ASIC2: variants seen among roughly 807,000 people sequenced by gnomAD.
ASIC2 encodes the protein acid-sensing ion channel 2.
ASIC2 carries 25 observed loss-of-function variants against 57.3 expected under a neutral mutation model. The ratio of observed to expected loss-of-function variants is 0.44; its 90% CI spans 0.32 to 0.61. ASIC2 has a LOEUF of 0.61. Ranked by LOEUF, ASIC2 falls within the 20% of genes least tolerant of loss-of-function variation. ASIC2 has a pLI of 0.06. For missense variants in ASIC2, 641 were observed against 738.1 expected (o/e 0.87, Z 1.52); for synonymous variants, 319 against 307.5 (o/e 1.04, Z -0.39).
chr17:33,520,301 G>A (rs936355541), intron 1 of ASIC2, among the ~76,000 whole-genome samples: 1 of 152,214 alleles, frequency 6.6e-6, no homozygotes, highest in African/African-American at 2.4e-5. Context: ...GGGTCAGTGG[G>A]GAAGCATGAA....
In ASIC2 at chr17:33,291,994, C is replaced by T; in HGVS notation, c.122G>A (p.Gly41Asp). Residue 41 changes from glycine (G) to aspartate (D), a missense_variant, in exon 1 of 10, where the codon GGC becomes GAC. This residue lies in a region of ASIC2 where 382 missense variants were observed against 398.0 expected (regional missense o/e 0.96). Transcript: ENST00000225823. ...ALAAAGQPGG[G>D]RGGERALQGP... is the part of the protein sequence containing the mutation. The stretch of plus-strand genomic sequence containing the variant: ...CTGCAGCGCCCGCTCGCCGCCTCTG[C>T]CGCCCCCGGGCTGCCCGGCAGCCGC... 3.1e-6 allele frequency: 4 copies of T among 1,275,038 alleles called. No homozygotes were observed. Among genetic ancestry groups the T allele is most frequent in the Non-Finnish European group, 3.9e-6 (4 of 1,019,874 alleles). The allele number at this position is 1,275,038 out of a possible 1,614,324, so 79.0% of individuals were successfully genotyped here.
intron 1 of ASIC2, among the ~76,000 whole-genome samples, chr17:34,102,662 T>A (rs1444303942): frequency 6.6e-6 from 1 of 152,234 alleles, no homozygotes; most frequent in Non-Finnish European, 1.5e-5. Context: ...GATGCTTACT[T>A]TCTACTGCTA....
At chr17:33,259,892 C>G (rs1909217041) in intron 1 of ASIC2, among the ~76,000 whole-genome samples, 2 of 152,110 alleles carry the variant, frequency 1.3e-5, no homozygotes, top group African/African-American at 4.8e-5. Context: ...TAATGAGTTC[C>G]CAGGGGATGC....
chr17:33,545,465 C>T (rs371788757), intron 1 of ASIC2, among the ~76,000 whole-genome samples: 1 of 152,076 alleles, frequency 6.6e-6, no homozygotes, highest in Non-Finnish European at 1.5e-5. Context: ...ATATTTTACC[C>T]GAGACGCGGA....
chr17:33,331,343 A>T (rs751718968), intron 1 of ASIC2, among the ~76,000 whole-genome samples: 1 of 152,172 alleles, frequency 6.6e-6, no homozygotes. Context: ...TTGTCCACAT[A>T]AAGAAACTAA....
intron 1 of ASIC2, among the ~76,000 whole-genome samples, chr17:34,095,670 TAGAGAG>T (rs796583537): frequency 1.1e-5 from 1 of 92,792 alleles, no homozygotes; most frequent in East Asian, 2.5e-4. Context: ...TATATATATA[TAGAGAG>T]AGAGATATAT....
At chr17:33,158,024 T>C (rs141619201) in intron 1 of ASIC2, among the ~76,000 whole-genome samples, 1 of 152,280 alleles carries the variant, frequency 6.6e-6, no homozygotes, top group Non-Finnish European at 1.5e-5. Context: ...TGCTCTCCCA[T>C]CCTCGTGGTT....
At chr17:33,762,594 T>C (rs904868500) in intron 1 of ASIC2, among the ~76,000 whole-genome samples, 12 of 152,274 alleles carry the variant, frequency 7.9e-5, no homozygotes, top group Non-Finnish European at 1.6e-4. Context: ...ATAACCATTT[T>C]CAGAAAGGCC....
intron 1 of ASIC2, among the ~76,000 whole-genome samples, chr17:33,230,741 G>C (rs1446395003): frequency 6.6e-6 from 1 of 152,120 alleles, no homozygotes; most frequent in Non-Finnish European, 1.5e-5. Context: ...ACTTTCTCCA[G>C]GAAGAACGAA....
intron 1 of ASIC2, among the ~76,000 whole-genome samples, chr17:33,998,691 G>A (rs1294521899): frequency 6.6e-6 from 1 of 151,902 alleles, no homozygotes. Flanking sequence ...TTTTCCTGCT[G>A]GTTTTGATTT....
intron 3 of ASIC2, among the ~76,000 whole-genome samples, chr17:33,041,424 TC>T (rs1455635524): frequency 3.3e-5 from 5 of 152,142 alleles, no homozygotes; most frequent in African/African-American, 9.7e-5. Flanking sequence ...TCTCAGAACA[TC>T]CCCACATCTC....
intron 1 of ASIC2, among the ~76,000 whole-genome samples, chr17:33,404,760 G>C (rs146473424): frequency 6.6e-6 from 1 of 152,316 alleles, no homozygotes; most frequent in African/African-American, 2.4e-5. Flanking sequence ...TTTTGCCACT[G>C]TCACTATATT....
chr17:33,333,420 G>C (rs570990885), intron 1 of ASIC2, among the ~76,000 whole-genome samples: 19 of 152,278 alleles, frequency 1.2e-4, no homozygotes, highest in African/African-American at 4.3e-4. Context: ...TAACATCAGA[G>C]AGTTATCATA....
rs1028346072 is a variant in ASIC2 at position 33,778,756 on chromosome 17, C to T, written c.555+377222G>A. On this transcript the variant is annotated intron_variant, in intron 1 of 9. Transcript: ENST00000359872. ...GATAAGATGGGAAAGAGTAACTAAACGCACAGGGTATTGATGCACGTTAAG... is the reference window on the plus strand; with the variant it reads ...GATAAGATGGGAAAGAGTAACTAAATGCACAGGGTATTGATGCACGTTAAG... Among the ~76,000 whole-genome samples the T allele has an allele frequency of 3.3e-5, 5 of 152,276 alleles. No individual in the cohort carries two copies. The East Asian group carries it at 5.8e-4, about 18-fold the overall frequency.
At chr17:33,276,888 GTT>G (rs1904726541) in intron 1 of ASIC2, among the ~76,000 whole-genome samples, 1 of 152,156 alleles carries the variant, frequency 6.6e-6, no homozygotes, top group African/African-American at 2.4e-5. Context: ...AAATGGCAGG[GTT>G]GATATGCACT....
chr17:33,513,751 C>T (rs1914489955), intron 1 of ASIC2, among the ~76,000 whole-genome samples: 1 of 152,208 alleles, frequency 6.6e-6, no homozygotes, highest in African/African-American at 2.4e-5. Context: ...CTGCTTCCTG[C>T]TCTGTCCCCT....
intron 1 of ASIC2, among the ~76,000 whole-genome samples, chr17:33,840,173 A>G (rs1022286544): frequency 6.6e-6 from 1 of 152,212 alleles, no homozygotes; most frequent in Non-Finnish European, 1.5e-5. Context: ...CACTAGAAAT[A>G]TTAAAATAAA....
chr17:33,548,885 A>C (rs564583565), intron 1 of ASIC2, among the ~76,000 whole-genome samples: 1 of 152,086 alleles, frequency 6.6e-6, no homozygotes, highest in South Asian at 2.1e-4. Flanking sequence ...TTCACAACTT[A>C]GTTCAAATGA....
chr17:33,265,457 A>G (rs1460496702), intron 1 of ASIC2, among the ~76,000 whole-genome samples: 1 of 152,160 alleles, frequency 6.6e-6, no homozygotes, highest in Non-Finnish European at 1.5e-5. Context: ...GAGCTGAACA[A>G]TGAGAACACA....
Sources: allele counts gnomAD v4.1 joint callset (sites outside exome capture counted in the v4.1 genomes callset), GRCh38; gene constraint gnomAD v4.1.1; regional missense constraint gnomAD v4.1.1; transcripts MANE v1.5; gene names NCBI Gene and HGNC (gene_info 2026-07-23, HGNC 2026-07-21).